LDLRAD3: variants seen among roughly 807,000 people sequenced by gnomAD.
LDLRAD3 encodes low-density lipoprotein receptor class A domain-containing protein 3.
Under a neutral mutation model 29.4 loss-of-function variants are expected in LDLRAD3, and 20 were observed. The ratio of observed to expected loss-of-function variants is 0.68; its 90% CI spans 0.48 to 0.99. The LOEUF (loss-of-function observed/expected upper bound fraction) is 0.99, where lower values mean the gene tolerates loss of function less well. LDLRAD3 is among the 50% of genes least tolerant of loss of function. The pLI is 0.00. For missense variants in LDLRAD3, 420 were observed against 454.3 expected (o/e 0.92, Z 0.69); for synonymous variants, 157 against 192.7 (o/e 0.81, Z 1.53).
chr11:35,959,650 G>A (rs1015589942), intron 1 of LDLRAD3, among the ~76,000 whole-genome samples: 1 of 152,134 alleles, frequency 6.6e-6, no homozygotes, highest in Admixed American at 6.5e-5. Context: ...GGCTAGGTGT[G>A]GTGGCTCATA....
At chr11:36,202,821 G>A (rs573693172) in intron 4 of LDLRAD3, among the ~76,000 whole-genome samples, 89 of 152,316 alleles carry the variant, frequency 5.8e-4, no homozygotes, top group South Asian at 3.9e-3. Context: ...AGGGAGCTAG[G>A]AAGAAGGACA....
At chr11:36,056,263 G>T (rs2133228933) in intron 2 of LDLRAD3, among the ~76,000 whole-genome samples, 1 of 152,230 alleles carries the variant, frequency 6.6e-6, no homozygotes, top group Non-Finnish European at 1.5e-5. Context: ...AAAGTGCTGG[G>T]TTTACAGGTG....
At chr11:36,035,756 C>A (rs1289075055) in intron 1 of LDLRAD3, among the ~76,000 whole-genome samples, 1 of 152,172 alleles carries the variant, frequency 6.6e-6, no homozygotes, top group Non-Finnish European at 1.5e-5. Flanking sequence ...AGTGCTCACT[C>A]CTGTCTAGAA....
intron 4 of LDLRAD3, among the ~76,000 whole-genome samples, chr11:36,162,730 G>A (rs1854460778): frequency 6.6e-6 from 1 of 152,214 alleles, no homozygotes. Context: ...CCAGGATCCT[G>A]AGCTTGGCTA....
intron 1 of LDLRAD3, among the ~76,000 whole-genome samples, chr11:35,973,180 G>T (rs979951649): frequency 5.4e-5 from 8 of 147,958 alleles, no homozygotes; most frequent in Admixed American, 2.0e-4. Flanking sequence ...TGTTTTTTTT[G>T]ATTATTGTTG....
At chr11:36,061,790 A>G (rs1852704652) in intron 2 of LDLRAD3, among the ~76,000 whole-genome samples, 1 of 152,272 alleles carries the variant, frequency 6.6e-6, no homozygotes, top group Non-Finnish European at 1.5e-5. Context: ...TACTATGGCA[A>G]CTGGGTCTTT....
At chr11:36,094,702 A>ATT (rs1853333610) in intron 3 of LDLRAD3, among the ~76,000 whole-genome samples, 1 of 152,028 alleles carries the variant, frequency 6.6e-6, no homozygotes, top group Non-Finnish European at 1.5e-5. Flanking sequence ...CCACCCAGCT[A>ATT]ATTTTTGTAT....
At chr11:36,043,220 A>G (rs979647570) in intron 2 of LDLRAD3, among the ~76,000 whole-genome samples, 10 of 152,140 alleles carry the variant, frequency 6.6e-5, no homozygotes, top group Non-Finnish European at 1.2e-4. Context: ...ACTGAGGCAC[A>G]AGATTTACTT....
At chr11:36,217,012 G>C (rs1855361771) in intron 4 of LDLRAD3, among the ~76,000 whole-genome samples, 1 of 152,164 alleles carries the variant, frequency 6.6e-6, no homozygotes, top group Non-Finnish European at 1.5e-5. Flanking sequence ...TTTGCTCTAT[G>C]ACCTTCTGTA....
chr11:36,072,474 G>C (rs982667220), intron 2 of LDLRAD3, among the ~76,000 whole-genome samples: 1 of 152,212 alleles, frequency 6.6e-6, no homozygotes, highest in Non-Finnish European at 1.5e-5. Context: ...GATGTCTGGG[G>C]AAGAGCCTTC....
intron 4 of LDLRAD3, among the ~76,000 whole-genome samples, chr11:36,128,198 G>GT (rs1853870858): frequency 6.7e-6 from 1 of 148,224 alleles, no homozygotes; most frequent in African/African-American, 2.5e-5. Context: ...TTAATTCCCT[G>GT]TTTGTTTGTA....
chr11:36,077,847 T>C (rs527566930), intron 2 of LDLRAD3, among the ~76,000 whole-genome samples: 52 of 152,334 alleles, frequency 3.4e-4, no homozygotes, highest in Non-Finnish European at 1.8e-4. Context: ...GCAAACAGCA[T>C]GTTTCAGCCC....
intron 4 of LDLRAD3, among the ~76,000 whole-genome samples, chr11:36,146,457 A>G (rs1854195406): frequency 2.0e-5 from 3 of 152,248 alleles, no homozygotes; most frequent in South Asian, 2.1e-4. Context: ...CTGCTTCTAC[A>G]TATCATAGTA....
chr11:36,074,794 C>T (rs572795770), intron 2 of LDLRAD3, among the ~76,000 whole-genome samples: 6 of 152,174 alleles, frequency 3.9e-5, no homozygotes, highest in African/African-American at 1.4e-4. Context: ...TGGAAGGACA[C>T]GATGGCTGGA....
At chr11:36,209,153 T>C (rs1374325395) in intron 4 of LDLRAD3, among the ~76,000 whole-genome samples, 4 of 152,184 alleles carry the variant, frequency 2.6e-5, no homozygotes, top group Non-Finnish European at 2.9e-5. Context: ...ATTAAAGTCA[T>C]GAAGAACAAG....
At chr11:36,041,782 G>A (rs374699156) in intron 2 of LDLRAD3, among the ~76,000 whole-genome samples, 2 of 152,168 alleles carry the variant, frequency 1.3e-5, no homozygotes, top group South Asian at 4.1e-4. Context: ...GTCTTCCCAA[G>A]GCGGTTCATT....
intron 1 of LDLRAD3, among the ~76,000 whole-genome samples, chr11:36,024,260 A>G (rs1039623467): frequency 6.6e-6 from 1 of 152,154 alleles, no homozygotes; most frequent in African/African-American, 2.4e-5. Context: ...CTGCTCTCTT[A>G]TATATACTTT....
intron 4 of LDLRAD3, among the ~76,000 whole-genome samples, chr11:36,143,827 A>G (rs1345014451): frequency 6.6e-6 from 1 of 152,088 alleles, no homozygotes; most frequent in Non-Finnish European, 1.5e-5. Flanking sequence ...AAACAAAACA[A>G]AAACCTCATT....
intron 1 of LDLRAD3, among the ~76,000 whole-genome samples, chr11:35,990,006 GT>G (rs2133165954): frequency 6.6e-6 from 1 of 152,260 alleles, no homozygotes; most frequent in East Asian, 1.9e-4. Context: ...TTAGCTAGTA[GT>G]TTGGGCTTGG....
Sources: allele counts gnomAD v4.1 joint callset (sites outside exome capture counted in the v4.1 genomes callset), GRCh38; gene constraint gnomAD v4.1.1; transcripts MANE v1.5; gene names NCBI Gene and HGNC (gene_info 2026-07-23, HGNC 2026-07-21).